TBPL1: variants seen among roughly 807,000 people sequenced by gnomAD.
TBPL1 encodes the protein TATA-box binding protein like 1, also known as TATA box-binding protein-like 1.
A neutral mutation model predicts 22.1 loss-of-function variants in TBPL1; 4 were observed. The observed-to-expected ratio is 0.18, with a 90% CI of 0.09 to 0.41. The LOEUF (loss-of-function observed/expected upper bound fraction) is 0.41, where lower values mean the gene tolerates loss of function less well. TBPL1 is among the 10% of genes least tolerant of loss of function. The pLI, the probability that TBPL1 is intolerant of heterozygous loss-of-function variation, is 1.00. For synonymous variants in TBPL1, 64 were observed against 71.0 expected, an observed-to-expected ratio of 0.90 and a Z score of 0.50; for missense variants, 115 against 222.3, an observed-to-expected ratio of 0.52 and a Z score of 3.07.
At chr6:133,966,800 A>G (rs923157053) in intron 1 of TBPL1, among the ~76,000 whole-genome samples, 1 of 127,052 alleles carries the variant, frequency 7.9e-6, no homozygotes, top group African/African-American at 3.2e-5. Flanking sequence ...TCTTGTGTCT[A>G]CTACTTTGCA....
Position 133,987,140 on chromosome 6 carries a change from A to C in TBPL1, c.*100A>C. On this transcript the variant is annotated 3_prime_UTR_variant, in exon 7 of 7. Coordinates refer to ENST00000237264, the MANE Select transcript of TBPL1 (RefSeq NM_004865.4). ...CTGGACCAACAATAATTGAGGAAAT[A>C]GACTCTTTTATTCATTCACGGCTAC... The C allele has an allele frequency of 2.8e-6, 2 of 704,942 alleles. No individual in the cohort carries two copies. The highest frequency in any genetic ancestry group is 4.6e-6 in the Non-Finnish European group (2 of 436,796). 43.7% of individuals were successfully genotyped at this position (704,942 alleles called of 1,614,324 possible).
intron 1 of TBPL1, among the ~76,000 whole-genome samples, chr6:133,969,278 A>G (rs1342733538): frequency 6.8e-6 from 1 of 146,458 alleles, no homozygotes; most frequent in African/African-American, 2.5e-5. Context: ...TTTTTTTAGT[A>G]AATAGATGCT....
At chr6:133,967,849 A>G (rs1776147150) in intron 1 of TBPL1, among the ~76,000 whole-genome samples, 1 of 152,140 alleles carries the variant, frequency 6.6e-6, no homozygotes, top group Non-Finnish European at 1.5e-5. Flanking sequence ...GTTGTCCAAG[A>G]TTTTTATAAA....
rs936216812 is a variant in TBPL1 at position 133,988,392 on chromosome 6, T to C, written c.*1352T>C. The C allele has an allele frequency of 3.3e-5, 5 of 152,138 alleles. No homozygotes were observed. Among genetic ancestry groups the C allele is most frequent in the Admixed American group, 3.3e-4 (5 of 15,268 alleles). The allele number at this position is 152,138 out of a possible 1,614,324, so 9.4% of individuals were successfully genotyped here. A position where few individuals can be genotyped will look rare whatever the true frequency, so the allele number is the denominator to read the frequency against. ...GATTATACCTAGAAATAAAGCTGAG[T>C]GGAGAGTCCAATTAGCTTCTCAGGA... On this transcript the variant is annotated 3_prime_UTR_variant, in exon 7 of 7. Transcript: ENST00000237264.
In TBPL1 at chr6:133,989,908, C is replaced by CT. The variant is rs1432472793; in HGVS notation, c.*2872dup. The stretch of plus-strand genomic sequence containing the variant: ...TCTTTTTCAAGTTAGGTTGTTCGTG[C>CT]TTTTAAGTTTTTTGTGTGTCTTCCA... On this transcript the variant is annotated 3_prime_UTR_variant, in exon 7 of 7. Transcript: ENST00000237264. 1.3e-5 allele frequency: 2 copies of CT among 152,142 alleles called. No homozygotes were observed. Among genetic ancestry groups the CT allele is most frequent in the African/African-American group, 4.8e-5 (2 of 41,438 alleles). The allele number at this position is 152,142 out of a possible 1,614,324, so 9.4% of individuals were successfully genotyped here.
Position 133,987,128 on chromosome 6 carries a change from A to G in TBPL1, c.*88A>G, listed in dbSNP as rs899146641. The G allele has an allele frequency of 5.1e-6, 4 of 786,358 alleles. No homozygotes were observed. The Admixed American group carries it at 1.1e-4, about 21-fold the overall frequency. 48.7% of individuals were successfully genotyped at this position (786,358 alleles called of 1,614,324 possible). On this transcript the variant is annotated 3_prime_UTR_variant, in exon 7 of 7. Transcript: ENST00000237264. Reference sequence around the variant, plus strand: ...TCAAAAGGAAAACTGGACCAACAATAATTGAGGAAATAGACTCTTTTATTC... The same window carrying G: ...TCAAAAGGAAAACTGGACCAACAATGATTGAGGAAATAGACTCTTTTATTC...
At chr6:133,979,479 C>T (rs1030869738) in intron 1 of TBPL1, among the ~76,000 whole-genome samples, 11 of 152,008 alleles carry the variant, frequency 7.2e-5, no homozygotes, top group African/African-American at 2.2e-4. Context: ...ACACCTGGAA[C>T]GTAGTGTTTG....
At chr6:133,969,353 G>A (rs1776178475) in intron 1 of TBPL1, among the ~76,000 whole-genome samples, 1 of 140,720 alleles carries the variant, frequency 7.1e-6, no homozygotes, top group Non-Finnish European at 1.5e-5. Context: ...TCTTAATATA[G>A]ATTTTTTTAA....
rs1776573176 is a variant in TBPL1 at position 133,988,672 on chromosome 6, C to T, written c.*1632C>T. On this transcript the variant is annotated 3_prime_UTR_variant, in exon 7 of 7. Transcript: ENST00000237264. ...AAAGTGGAAAGCAAAGGCTAACTTA[C>T]ATTTTTCCTTCTTGTGAAATATTTC... is the stretch of plus-strand genomic sequence containing the variant. The T allele has an allele frequency of 6.6e-6, 1 of 152,060 alleles. No homozygotes were observed. The highest frequency in any genetic ancestry group is 2.1e-4 in the South Asian group (1 of 4,812). 9.4% of individuals were successfully genotyped at this position (152,060 alleles called of 1,614,324 possible). A position where few individuals can be genotyped will look rare whatever the true frequency, so the allele number is the denominator to read the frequency against.
At chr6:133,971,083 T>C (rs77072103) in intron 1 of TBPL1, among the ~76,000 whole-genome samples, 7,206 of 152,250 alleles carry the variant, frequency 0.047, 588 homozygotes, top group African/African-American at 0.16. Context: ...CAACCTCCGT[T>C]CATTCTCATC....
Position 133,983,562 on chromosome 6 carries a change from G to A in TBPL1, c.282+682G>A, listed in dbSNP as rs3777898. Among the ~76,000 whole-genome samples the A allele has an allele frequency of 8.3e-3, 1,257 of 152,200 alleles. 36 individuals carry two copies. Among genetic ancestry groups the A allele is most frequent in the Admixed American group, 0.061 (936 of 15,286 alleles). ...GACTGAACGGCTGGTGGGGAGTGGG[G>A]GTTGGTGCTTGAGAAGGGTGGCAGT... is the stretch of plus-strand genomic sequence containing the variant. On this transcript the variant is annotated intron_variant, in intron 4 of 6. Coordinates refer to ENST00000237264, the MANE Select transcript of TBPL1 (RefSeq NM_004865.4).
At chr6:133,985,083 T>A in intron 6 of TBPL1, among the ~76,000 whole-genome samples, 1 of 151,284 alleles carries the variant, frequency 6.6e-6, no homozygotes, top group Non-Finnish European at 1.5e-5. Flanking sequence ...ATCAAGACCA[T>A]CCTGGCCAAC....
chr6:133,972,703 TG>T (rs1218783129), intron 1 of TBPL1, among the ~76,000 whole-genome samples: 5 of 151,960 alleles, frequency 3.3e-5, no homozygotes, highest in African/African-American at 9.7e-5. Flanking sequence ...TTTGTTTGTT[TG>T]TTTTTTTCCC....
rs1354533261 is a variant in TBPL1, at chr6:133,989,325, TTTAG to T, written c.*2289_*2292del. The T allele has an allele frequency of 5.3e-5, 8 of 152,250 alleles. No homozygotes were observed. In the East Asian group the frequency reaches 5.8e-4, roughly 11 times the overall value. The allele number at this position is 152,250 out of a possible 1,614,324, so 9.4% of individuals were successfully genotyped here. On this transcript the variant is annotated 3_prime_UTR_variant, in exon 7 of 7. Transcript: ENST00000237264. ...GGATAAAAATTTGAAGACAAAATTG[TTTAG>T]TTACAGACTCAGGATAATAAAAGAA...
Position 133,965,611 on chromosome 6 carries a change from G to GT in TBPL1, c.-45+12197dup, listed in dbSNP as rs61257773. Among the ~76,000 whole-genome samples the GT allele has an allele frequency of 2.2e-3, 323 of 144,920 alleles. 2 individuals are homozygous for GT. Among genetic ancestry groups the GT allele is most frequent in the Admixed American group, 2.7e-3 (39 of 14,552 alleles). On this transcript the variant is annotated intron_variant, in intron 1 of 6. Coordinates refer to ENST00000237264, the MANE Select transcript of TBPL1 (RefSeq NM_004865.4). ...TTTTGTTATTGTTGGAGTTTTGTGGGTTTTTTTTTTTAATTCACTGTTAAA... is the reference window on the plus strand; with the variant it reads ...TTTTGTTATTGTTGGAGTTTTGTGGGTTTTTTTTTTTTAATTCACTGTTAAA...
chr6:133,980,342 C>A, intron 2 of TBPL1, 82 bp downstream of exon 2: 1 of 1,431,562 alleles, frequency 7.0e-7, no homozygotes, highest in Non-Finnish European at 9.2e-7. Context: ...ATTCATTCTA[C>A]AGATAGTTTA....
chr6:133,985,735 T>G (rs1268071993), intron 6 of TBPL1: 2 of 152,176 alleles, frequency 1.3e-5, no homozygotes, highest in African/African-American at 4.8e-5. Context: ...GGAAAATAAT[T>G]TAGTCTCTCA....
At chr6:133,985,298 ATATATATATATATATATATATAT>A (rs1776495152) in intron 6 of TBPL1, among the ~76,000 whole-genome samples, 1 of 31,122 alleles carries the variant, frequency 3.2e-5, no homozygotes, top group African/African-American at 1.5e-4. Flanking sequence ...AAAAAAAAAA[ATATATATATATATATATATATAT>A]ATATATATAT....
At chr6:133,955,458 G>A (rs1444078933) in intron 1 of TBPL1, among the ~76,000 whole-genome samples, 2 of 151,430 alleles carry the variant, frequency 1.3e-5, no homozygotes, top group African/African-American at 2.4e-5. Flanking sequence ...TGTGTCCTTC[G>A]CCTGCATGTG....
Sources: allele counts gnomAD v4.1 joint callset (sites outside exome capture counted in the v4.1 genomes callset), GRCh38; gene constraint gnomAD v4.1.1; transcripts MANE v1.5; gene names NCBI Gene and HGNC (gene_info 2026-07-23, HGNC 2026-07-21).